Variants in CCT3 observed in about 807,000 individuals in gnomAD.
CCT3 encodes chaperonin containing TCP1 subunit 3.
CCT3 carries 10 observed loss-of-function variants against 65.3 expected under a neutral mutation model. The ratio of observed to expected loss-of-function variants is 0.15; its 90% CI spans 0.09 to 0.26. The LOEUF (loss-of-function observed/expected upper bound fraction) is 0.26. Ranked by LOEUF, CCT3 falls within the 10% of genes least tolerant of loss-of-function variation. CCT3 has a pLI of 1.00. For missense variants in CCT3, 626 were observed against 708.7 expected (o/e 0.88, Z 1.33); for synonymous variants, 225 against 242.3 (o/e 0.93, Z 0.66).
Position 156,333,564 on chromosome 1 carries a change from G to T in CCT3, c.287C>A (p.Thr96Lys). The T allele has an allele frequency of 6.2e-7, 1 of 1,613,444 alleles. No homozygotes were observed. ...TQDEEVGDGT[T>K]SVIILAGEML... is the part of the protein sequence containing the mutation. ...CCTCTTACCAAGAATAATTACTGAT[G>T]TGGTCCCATCTCCAACCTCTTCATC... Residue 96 changes from threonine (T) to lysine (K), a missense_variant, in exon 5 of 14, where the codon ACA (threonine) becomes AAA (lysine). Physicochemically the swap from Thr to Lys is moderately conservative, Grantham distance 78. Coordinates refer to ENST00000295688, the MANE Select transcript of CCT3 (RefSeq NM_005998.5).
intron 5 of CCT3, among the ~76,000 whole-genome samples, chr1:156,330,907 GATAAATAAATAA>G (rs1021482364): frequency 6.6e-6 from 1 of 151,284 alleles, no homozygotes; most frequent in South Asian, 2.1e-4. Flanking sequence ...CTGTCTCAAA[GATAAATAAATAA>G]ATAAATATAA....
At chr1:156,328,558 C>T (rs1291794930) in intron 5 of CCT3, among the ~76,000 whole-genome samples, 1 of 151,820 alleles carries the variant, frequency 6.6e-6, no homozygotes, top group East Asian at 1.9e-4. Flanking sequence ...TGACCTTACC[C>T]CCAACCCTGT....
intron 5 of CCT3, among the ~76,000 whole-genome samples, chr1:156,327,802 G>A (rs566992490): frequency 0.011 from 1,675 of 148,886 alleles, 5 homozygotes; most frequent in Non-Finnish European, 0.018. Context: ...TGGAAAGTGA[G>A]GAGCTTCTCT....
intron 10 of CCT3, among the ~76,000 whole-genome samples, chr1:156,314,985 C>G (rs1467304537): frequency 6.6e-6 from 1 of 152,056 alleles, no homozygotes; most frequent in Non-Finnish European, 1.5e-5. Flanking sequence ...TTTAGAGAAA[C>G]AAAAAAGCAG....
chr1:156,321,085 C>T, intron 6 of CCT3, 60 bp from the exon 7 acceptor site: 6 of 1,338,096 alleles, frequency 4.5e-6, no homozygotes, highest in Non-Finnish European at 5.3e-6. Flanking sequence ...TAGAGATGTG[C>T]CTTATCTATA....
intron 4 of CCT3, 103 bp downstream of exon 4, chr1:156,334,610 T>G (rs945573980): frequency 3.9e-6 from 4 of 1,020,040 alleles, no homozygotes; most frequent in Non-Finnish European, 4.5e-6. Flanking sequence ...GGTAATCTGT[T>G]ATAGCAGCCC....
chr1:156,337,874 T>G (rs1570943272), intron 1 of CCT3: 2 of 476,434 alleles, frequency 4.2e-6, no homozygotes, highest in South Asian at 3.4e-5. Context: ...GGGGGAAGCG[T>G]GGGGGCTGAG....
At chr1:156,320,726 C>G in intron 7 of CCT3, 113 bp downstream of exon 7, 5 of 812,496 alleles carry the variant, frequency 6.2e-6, no homozygotes, top group South Asian at 1.7e-5. Context: ...AGGTGAGACT[C>G]TGTCTCAAAA....
intron 5 of CCT3, among the ~76,000 whole-genome samples, chr1:156,329,415 C>T (rs1307666742): frequency 1.3e-5 from 2 of 150,338 alleles, no homozygotes; most frequent in Non-Finnish European, 3.0e-5. Flanking sequence ...AAGTGATACT[C>T]CTGACTCAGC....
At chr1:156,324,696 C>G (rs1222990597) in intron 6 of CCT3, among the ~76,000 whole-genome samples, 2 of 152,096 alleles carry the variant, frequency 1.3e-5, no homozygotes, top group Non-Finnish European at 2.9e-5. Context: ...GGGGCCATCT[C>G]AGCTCACTGC....
At chr1:156,316,667 G>T (rs753155217) in intron 10 of CCT3, among the ~76,000 whole-genome samples, 1 of 152,166 alleles carries the variant, frequency 6.6e-6, no homozygotes, top group Non-Finnish European at 1.5e-5. Flanking sequence ...TTTGAGACAG[G>T]CCTAGGTAAC....
intron 5 of CCT3, among the ~76,000 whole-genome samples, chr1:156,331,755 CAGGCG>C (rs1665105824): frequency 6.6e-6 from 1 of 151,862 alleles, no homozygotes; most frequent in Admixed American, 6.6e-5. Context: ...CCTCTCAGGC[CAGGCG>C]TGGTGGCTTA....
intron 6 of CCT3, among the ~76,000 whole-genome samples, chr1:156,324,055 G>A (rs907865951): frequency 2.0e-5 from 3 of 150,562 alleles, no homozygotes; most frequent in African/African-American, 7.3e-5. Flanking sequence ...GAGCCACCAT[G>A]CCCAGCCCAA....
rs1010412983 is a variant in CCT3, at chr1:156,336,305, T to C, written c.32-417A>G. Among the ~76,000 whole-genome samples, 4 of 135,614 alleles carry C rather than the reference T, an allele frequency of 2.9e-5. No individual in the cohort carries two copies. The Admixed American group carries it at 3.1e-4, about 10-fold the overall frequency. The allele number at this position is 135,614 out of a possible 152,430, so 89.0% of individuals were successfully genotyped here. On this transcript the variant is annotated intron_variant, in intron 1 of 13. Transcript: ENST00000295688. ...ATTTTTTTTTTTTCCGGAAAGAGGA[T>C]CCACAACTATTATCAGATTCTCAAA...
intron 10 of CCT3, 76 bp downstream of exon 10, chr1:156,317,090 G>A (rs1398170427): frequency 8.0e-7 from 1 of 1,251,270 alleles, no homozygotes. Flanking sequence ...ACCTTTTCAG[G>A]TAATGATGAC....
At chr1:156,335,991 A>C in intron 1 of CCT3, 103 bp from the exon 2 acceptor site, 1 of 848,738 alleles carries the variant, frequency 1.2e-6, no homozygotes, top group Non-Finnish European at 1.9e-6. Flanking sequence ...GTTTCATGGT[A>C]TATCCACAGA....
intron 6 of CCT3, among the ~76,000 whole-genome samples, chr1:156,323,097 GA>G (rs1284147516): frequency 6.6e-6 from 1 of 151,890 alleles, no homozygotes; most frequent in East Asian, 1.9e-4. Context: ...ACCTGAGGTT[GA>G]AAGTTTGAGA....
At chr1:156,311,276 C>A (rs1270843867) in intron 11 of CCT3, 81 bp from the exon 12 acceptor site, 2 of 1,409,886 alleles carry the variant, frequency 1.4e-6, no homozygotes, top group East Asian at 4.6e-5. Flanking sequence ...TTCCTAACTG[C>A]CAAAGTTAGT....
chr1:156,322,017 A>C (rs1664570314), intron 6 of CCT3, among the ~76,000 whole-genome samples: 2 of 152,216 alleles, frequency 1.3e-5, no homozygotes, highest in Non-Finnish European at 1.5e-5. Flanking sequence ...ACACTTTGGA[A>C]GACTGAGGAT....
Sources: allele counts gnomAD v4.1 joint callset (sites outside exome capture counted in the v4.1 genomes callset), GRCh38; gene constraint gnomAD v4.1.1; transcripts MANE v1.5; gene names NCBI Gene and HGNC (gene_info 2026-07-23, HGNC 2026-07-21).